Variants in CNTNAP2 observed in about 807,000 individuals in gnomAD.
CNTNAP2 encodes the protein contactin associated protein 2.
In CNTNAP2, 98 loss-of-function variants were observed where a neutral mutation model predicts 155.2. The ratio of observed to expected loss-of-function variants is 0.63; its 90% confidence interval spans 0.54 to 0.75. The LOEUF is 0.75. Among genes scored for constraint, CNTNAP2 ranks in the 30% least tolerant of loss-of-function variants. The pLI is 0.00. For missense variants in CNTNAP2, 1,727 were observed against 1,688.1 expected, an observed-to-expected ratio of 1.02 and a Z score of -0.40; for synonymous variants, 651 against 631.2, an observed-to-expected ratio of 1.03 and a Z score of -0.47.
intron 3 of CNTNAP2, among the ~76,000 whole-genome samples, chr7:146,844,918 A>G (rs1187022982): frequency 6.6e-6 from 1 of 152,190 alleles, no homozygotes; most frequent in Non-Finnish European, 1.5e-5. Flanking sequence ...GGAGAATTCT[A>G]CAGAACACAG....
chr7:146,372,022 A>G (rs1305766251), intron 1 of CNTNAP2, among the ~76,000 whole-genome samples: 1 of 152,084 alleles, frequency 6.6e-6, no homozygotes. Flanking sequence ...TTTTAATTAG[A>G]GGAGTCAGAG....
intron 1 of CNTNAP2, among the ~76,000 whole-genome samples, chr7:146,497,996 T>G (rs1371055648): frequency 6.6e-6 from 1 of 151,078 alleles, no homozygotes; most frequent in African/African-American, 2.4e-5. Context: ...TGTACTGGAG[T>G]TGAAATAAAG....
chr7:147,485,739 G>A (rs1028879925), intron 10 of CNTNAP2, among the ~76,000 whole-genome samples, 196 bp from the exon 11 acceptor site: 3 of 152,110 alleles, frequency 2.0e-5, no homozygotes, highest in Non-Finnish European at 4.4e-5. Flanking sequence ...GCTCCAGGTC[G>A]GTGATACATC....
intron 13 of CNTNAP2, among the ~76,000 whole-genome samples, chr7:147,788,521 C>G (rs902171089): frequency 1.3e-5 from 2 of 152,184 alleles, no homozygotes; most frequent in African/African-American, 4.8e-5. Flanking sequence ...CTCTTTGTTG[C>G]TCAAAGTCAT....
Position 148,383,787 on chromosome 7 carries a change from T to A in CNTNAP2, c.3614T>A (p.Ile1205Asn). The stretch of plus-strand genomic sequence containing the variant: ...ACAAACGCCTCGGCTCACGTCCACA[T>A]CCAGGGCGAGCTGGTGGAGTCCAAC... ...RQTNASAHVH[I>N]QGELVESNCG... is the part of the protein sequence containing the mutation. The change falls in exon 22 of 24, where the codon ATC becomes AAC. Residue 1205 changes from isoleucine (I) to asparagine (N), a missense_variant. By Grantham distance (149) the Ile-to-Asn change is moderately radical. Transcript: ENST00000361727. 1 of 1,614,146 alleles carries A rather than the reference T, an allele frequency of 6.2e-7. No homozygotes were observed. The highest frequency in any genetic ancestry group is 8.5e-7 in the Non-Finnish European group (1 of 1,180,028).
rs138231612 is a variant in CNTNAP2 at position 147,181,238 on chromosome 7, C to T, written c.1348+48729C>T. On this transcript the variant is annotated intron_variant, in intron 8 of 23. Transcript: ENST00000361727. ...CCAGAGAGACCAGAAGCCGGAGATC[C>T]GGGAAAACACATCTCCAAAGGGCAC... Among the ~76,000 whole-genome samples the T allele has an allele frequency of 3.9e-3, 588 of 152,158 alleles. 6 individuals carry two copies. Among genetic ancestry groups the T allele is most frequent in the African/African-American group, 0.013 (555 of 41,514 alleles).
chr7:146,368,144 C>T (rs954706945), intron 1 of CNTNAP2, among the ~76,000 whole-genome samples: 2 of 152,100 alleles, frequency 1.3e-5, no homozygotes, highest in Non-Finnish European at 1.5e-5. Flanking sequence ...TCCTTGCTGA[C>T]CTTTGTATGT....
intron 13 of CNTNAP2, among the ~76,000 whole-genome samples, chr7:147,713,017 C>T (rs960805838): frequency 2.0e-5 from 3 of 152,248 alleles, no homozygotes; most frequent in African/African-American, 4.8e-5. Flanking sequence ...TCATTTATAA[C>T]GATCCCTAAA....
chr7:146,209,422 T>C (rs777043699), intron 1 of CNTNAP2, among the ~76,000 whole-genome samples: 2 of 152,196 alleles, frequency 1.3e-5, no homozygotes, highest in Non-Finnish European at 2.9e-5. Context: ...AACTAGTCCA[T>C]TGCCTGAAGC....
At chr7:146,609,182 T>C (rs777313285) in intron 1 of CNTNAP2, among the ~76,000 whole-genome samples, 1 of 152,150 alleles carries the variant, frequency 6.6e-6, no homozygotes, top group Admixed American at 6.5e-5. Flanking sequence ...TGGTTAGAGT[T>C]TCATCAAAAA....
At chr7:147,554,543 A>G (rs1799914016) in intron 11 of CNTNAP2, among the ~76,000 whole-genome samples, 1 of 144,588 alleles carries the variant, frequency 6.9e-6, no homozygotes, top group Non-Finnish European at 1.5e-5. Context: ...CTTATCAAGT[A>G]AAAGAACTAC....
At chr7:146,977,394 A>T (rs918409755) in intron 3 of CNTNAP2, among the ~76,000 whole-genome samples, 21 of 152,046 alleles carry the variant, frequency 1.4e-4, no homozygotes, top group Admixed American at 3.3e-4. Flanking sequence ...AAGAGAATAC[A>T]AACAGTTATT....
chr7:147,925,875 C>T (rs1438338406), intron 14 of CNTNAP2, among the ~76,000 whole-genome samples: 3 of 152,204 alleles, frequency 2.0e-5, no homozygotes, highest in Non-Finnish European at 4.4e-5. Flanking sequence ...ATCCTCCCCT[C>T]CCCTCAACTC....
intron 1 of CNTNAP2, among the ~76,000 whole-genome samples, chr7:146,771,740 A>C (rs1455937446): frequency 1.3e-5 from 2 of 152,164 alleles, no homozygotes; most frequent in African/African-American, 4.8e-5. Context: ...TGAGATAATA[A>C]ATAATAATTC....
At chr7:146,529,324 GTC>G (rs1797734942) in intron 1 of CNTNAP2, among the ~76,000 whole-genome samples, 1 of 152,180 alleles carries the variant, frequency 6.6e-6, no homozygotes, top group African/African-American at 2.4e-5. Flanking sequence ...ATGATTTTTT[GTC>G]TCTCTGTGAA....
chr7:147,378,186 G>T, intron 9 of CNTNAP2: 2 of 294,686 alleles, frequency 6.8e-6, no homozygotes, highest in Non-Finnish European at 1.3e-5. Flanking sequence ...ATTTCTGAAT[G>T]ACATTGTCGA....
At chr7:146,917,528 C>G (rs1796417913) in intron 3 of CNTNAP2, among the ~76,000 whole-genome samples, 1 of 152,008 alleles carries the variant, frequency 6.6e-6, no homozygotes, top group Non-Finnish European at 1.5e-5. Context: ...TGATATTTTC[C>G]TGTTGCACTA....
intron 21 of CNTNAP2, among the ~76,000 whole-genome samples, chr7:148,337,931 C>T (rs1420896664): frequency 6.6e-6 from 1 of 152,314 alleles, no homozygotes; most frequent in African/African-American, 2.4e-5. Context: ...ATTATGGCTA[C>T]AGAATGTTTC....
chr7:147,802,106 GC>G (rs1798005304), intron 13 of CNTNAP2, among the ~76,000 whole-genome samples: 1 of 150,280 alleles, frequency 6.7e-6, no homozygotes, highest in African/African-American at 2.4e-5. Flanking sequence ...AGACGGGGCG[GC>G]CGGGCAGAGA....
Sources: gnomAD v4.1 joint callset for allele counts (sites outside exome capture counted in the v4.1 genomes callset) on GRCh38, gnomAD v4.1.1 for gene constraint, MANE v1.5 for transcripts, NCBI Gene and HGNC (gene_info 2026-07-23, HGNC 2026-07-21) for gene names.